The following PRKN variants were observed in gnomAD, a reference collection of about 807,000 sequenced individuals.
The protein encoded by PRKN is parkin RBR E3 ubiquitin protein ligase, also known as E3 ubiquitin-protein ligase parkin.
PRKN carries 56 observed loss-of-function variants against 59.5 expected under a neutral mutation model. That is an observed-to-expected ratio of 0.94 (90% CI 0.76 to 1.18). PRKN has a LOEUF of 1.18. PRKN is among the 50% of genes most tolerant of loss of function. The pLI is 0.00. For synonymous variants in PRKN, 250 were observed against 222.1 expected, an observed-to-expected ratio of 1.13 and a Z score of -1.12; for missense variants, 657 against 596.4, an observed-to-expected ratio of 1.10 and a Z score of -1.06.
intron 1 of PRKN, among the ~76,000 whole-genome samples, chr6:162,590,115 C>T (rs1159128115): frequency 2.0e-5 from 3 of 152,092 alleles, no homozygotes; most frequent in African/African-American, 7.2e-5. Context: ...TCCAAAAGTG[C>T]CAGATGTCTT....
At chr6:161,739,978 C>G (rs1788121529) in intron 7 of PRKN, among the ~76,000 whole-genome samples, 1 of 152,158 alleles carries the variant, frequency 6.6e-6, no homozygotes, top group South Asian at 2.1e-4. Context: ...TGGTCTCGAA[C>G]TCCTGACCTC....
rs761129671 is a variant in PRKN at position 161,393,679 on chromosome 6, T to C, written c.1084-6802A>G. 5.9e-5 allele frequency among the ~76,000 whole-genome samples: 9 copies of C among 152,098 alleles called. No homozygotes were observed. Among genetic ancestry groups the C allele is most frequent in the Non-Finnish European group, 1.2e-4 (8 of 68,026 alleles). On this transcript the variant is annotated intron_variant, in intron 9 of 11. Coordinates refer to ENST00000366898, the MANE Select transcript of PRKN (RefSeq NM_004562.3). The surrounding 1 kb of genome is among the most constrained non-coding windows in gnomAD (Gnocchi z 4.7). ...ATCGGAATATTCCAGTGGCTGCTGA[T>C]CAATCAGGTTGAGAGCCAGTAGGTA...
chr6:162,488,027 CTTT>C (rs752587530), intron 1 of PRKN, among the ~76,000 whole-genome samples: 4 of 109,766 alleles, frequency 3.6e-5, no homozygotes, highest in African/African-American at 6.3e-5. Flanking sequence ...CACCATTTCC[CTTT>C]TTTTTTTTTT....
intron 1 of PRKN, among the ~76,000 whole-genome samples, chr6:162,617,128 T>G (rs1267139225): frequency 6.6e-6 from 1 of 152,204 alleles, no homozygotes; most frequent in East Asian, 1.9e-4. Context: ...AAAGATTAAA[T>G]CAAGCTAATT....
At chr6:162,100,816 T>C (rs1009153110) in intron 4 of PRKN, among the ~76,000 whole-genome samples, 6 of 152,200 alleles carry the variant, frequency 3.9e-5, no homozygotes, top group African/African-American at 1.2e-4. Context: ...ATGATAATTT[T>C]TTCCCTGATA....
intron 4 of PRKN, among the ~76,000 whole-genome samples, chr6:162,087,547 A>G (rs1021386102): frequency 2.0e-5 from 3 of 150,740 alleles, no homozygotes; most frequent in Admixed American, 6.6e-5. Context: ...TTCTGCTTCA[A>G]GTGGGTGAGT....
At chr6:162,299,954 T>C (rs1244895857) in intron 2 of PRKN, among the ~76,000 whole-genome samples, 1 of 152,206 alleles carries the variant, frequency 6.6e-6, no homozygotes, top group Non-Finnish European at 1.5e-5. Context: ...AAAATACTCA[T>C]GGTATTTTTC....
At chr6:162,230,692 C>A (rs373463470) in intron 3 of PRKN, among the ~76,000 whole-genome samples, 2 of 152,210 alleles carry the variant, frequency 1.3e-5, no homozygotes, top group African/African-American at 4.8e-5. Flanking sequence ...AATCTAATAA[C>A]AGCCTGGAGA....
At chr6:162,367,191 C>A (rs1354410490) in intron 2 of PRKN, among the ~76,000 whole-genome samples, 2 of 152,082 alleles carry the variant, frequency 1.3e-5, no homozygotes, top group Non-Finnish European at 2.9e-5. Context: ...CTCCTTGCTG[C>A]CATCATGTGA....
At chr6:162,249,650 C>G (rs962402509) in intron 3 of PRKN, among the ~76,000 whole-genome samples, 1 of 151,760 alleles carries the variant, frequency 6.6e-6, no homozygotes, top group Non-Finnish European at 1.5e-5. Context: ...AAAGTCAAAT[C>G]TAAGATTCCT....
At chr6:161,633,225 G>T (rs986009741) in intron 7 of PRKN, among the ~76,000 whole-genome samples, 1 of 152,104 alleles carries the variant, frequency 6.6e-6, no homozygotes, top group African/African-American at 2.4e-5. Context: ...AATTTAGTTG[G>T]TTTTCTTTGT....
chr6:162,195,845 T>C (rs1004785675), intron 4 of PRKN, among the ~76,000 whole-genome samples: 4 of 152,162 alleles, frequency 2.6e-5, no homozygotes, highest in African/African-American at 9.7e-5. Flanking sequence ...TAGCAATTCA[T>C]AACCTTAATC....
At chr6:162,320,818 A>G (rs1309841594) in intron 2 of PRKN, among the ~76,000 whole-genome samples, 3 of 151,890 alleles carry the variant, frequency 2.0e-5, no homozygotes, top group African/African-American at 7.2e-5. Context: ...AGAAATGAAA[A>G]TGGAAATTAA....
chr6:162,533,876 C>T (rs1458836788), intron 1 of PRKN, among the ~76,000 whole-genome samples: 1 of 149,480 alleles, frequency 6.7e-6, no homozygotes, highest in Non-Finnish European at 1.5e-5. Context: ...GAGGCTGAGG[C>T]TGGAGAATCA....
At chr6:161,668,875 GTTCTACCCCACTGACCTTC>G (rs1784814043) in intron 7 of PRKN, among the ~76,000 whole-genome samples, 1 of 152,076 alleles carries the variant, frequency 6.6e-6, no homozygotes, top group Non-Finnish European at 1.5e-5. Flanking sequence ...TACCCCACTG[GTTCTACCCCACTGACCTTC>G]TTCTACCCCA....
chr6:162,718,198 CA>C (rs11461658), intron 1 of PRKN, among the ~76,000 whole-genome samples: 1 of 151,692 alleles, frequency 6.6e-6, no homozygotes, highest in African/African-American at 2.4e-5. Flanking sequence ...TGTTTTAAGA[CA>C]AAAAAAATCT....
intron 2 of PRKN, among the ~76,000 whole-genome samples, chr6:162,330,067 A>G (rs1332716361): frequency 1.3e-5 from 2 of 152,188 alleles, no homozygotes; most frequent in Non-Finnish European, 2.9e-5. Context: ...TCCCCTCAGG[A>G]AAGAAATCTG....
chr6:162,710,625 T>C (rs1778501881), intron 1 of PRKN, among the ~76,000 whole-genome samples: 1 of 152,134 alleles, frequency 6.6e-6, no homozygotes, highest in African/African-American at 2.4e-5. Context: ...TTCAATTCTA[T>C]AATAAGAACT....
At chr6:162,475,911 C>T (rs2128180227) in intron 1 of PRKN, among the ~76,000 whole-genome samples, 1 of 151,748 alleles carries the variant, frequency 6.6e-6, no homozygotes, top group African/African-American at 2.4e-5. Context: ...ACCACCATGC[C>T]CAGCTAATTT....
Sources: allele counts gnomAD v4.1 joint callset (sites outside exome capture counted in the v4.1 genomes callset), GRCh38; gene constraint gnomAD v4.1.1; non-coding constraint Gnocchi (gnomAD v3.1); transcripts MANE v1.5; gene names NCBI Gene and HGNC (gene_info 2026-07-23, HGNC 2026-07-21).